The following COL18A1 variants were observed in gnomAD, a reference collection of about 807,000 sequenced individuals.
COL18A1 encodes the protein collagen type XVIII alpha 1 chain, also known as collagen alpha-1(XVIII) chain.
In COL18A1, 133 loss-of-function variants were observed where a neutral mutation model predicts 168.0. The ratio of observed to expected loss-of-function variants is 0.79; its 90% CI spans 0.69 to 0.91. The LOEUF is 0.91. Ranked by LOEUF, COL18A1 falls within the 40% of genes least tolerant of loss-of-function variation. COL18A1 has a pLI of 0.00. For synonymous variants in COL18A1, 949 were observed against 809.0 expected, an observed-to-expected ratio of 1.17 and a Z score of -2.94; for missense variants, 2,126 against 1,925.4, an observed-to-expected ratio of 1.10 and a Z score of -1.95.
Position 45,471,014 on chromosome 21 carries a change from C to CGTGCTACGGGCTT in COL18A1, c.651+2234_651+2246dup, listed in dbSNP as rs1328846966. ...GCTTCGTGCTGCTGGGCCTGGGTGG[C>CGTGCTACGGGCTT]GTGCTACGGGCTTGTGCTGCTGGGT... On this transcript the variant is annotated intron_variant, in intron 3 of 41. Coordinates refer to ENST00000651438, the MANE Select transcript of COL18A1 (RefSeq NM_001379500.1). The surrounding 1 kb of genome is among the most constrained non-coding windows in gnomAD (Gnocchi z 4.4). Among the ~76,000 whole-genome samples the CGTGCTACGGGCTT allele has an allele frequency of 7.4e-6, 1 of 134,802 alleles. No homozygotes were observed. Among genetic ancestry groups the CGTGCTACGGGCTT allele is most frequent in the African/African-American group, 3.2e-5 (1 of 31,060 alleles). 88.4% of individuals were successfully genotyped at this position (134,802 alleles called of 152,430 possible). A position where few individuals can be genotyped will look rare whatever the true frequency, so the allele number is the denominator to read the frequency against.
chr21:45,452,237 G>A (rs562953066), intron 2 of COL18A1, among the ~76,000 whole-genome samples: 6 of 152,278 alleles, frequency 3.9e-5, no homozygotes, highest in Non-Finnish European at 8.8e-5. Context: ...GCTGCTAGCA[G>A]GACTTGGGCA....
At chr21:45,469,151 C>G (rs545575387) in intron 3 of COL18A1, among the ~76,000 whole-genome samples, 1 of 152,328 alleles carries the variant, frequency 6.6e-6, no homozygotes, top group South Asian at 2.1e-4. Context: ...CAGCCGTGAC[C>G]CCGTGACCCA....
chr21:45,468,009 C>T (rs913132239), intron 2 of COL18A1, among the ~76,000 whole-genome samples: 4 of 152,210 alleles, frequency 2.6e-5, no homozygotes, highest in Admixed American at 6.5e-5. Flanking sequence ...GACACCATGT[C>T]CCCTGCACAC....
chr21:45,460,241 G>C (rs551547917), intron 2 of COL18A1, among the ~76,000 whole-genome samples: 1 of 152,232 alleles, frequency 6.6e-6, no homozygotes, highest in Non-Finnish European at 1.5e-5. Context: ...ATCCACCCTC[G>C]TGGTGCAGGC....
At chr21:45,467,268 G>A (rs929120684) in intron 2 of COL18A1, 28 of 985,462 alleles carry the variant, frequency 2.8e-5, no homozygotes, top group Non-Finnish European at 3.3e-5. Flanking sequence ...CTCCCTGGGC[G>A]AGGGATGGAC....
At chr21:45,474,987 C>T (rs1340959612) in intron 4 of COL18A1, among the ~76,000 whole-genome samples, 2 of 152,184 alleles carry the variant, frequency 1.3e-5, no homozygotes, top group East Asian at 1.9e-4. Flanking sequence ...GGCGCCGCAC[C>T]CCTCCCCTGG....
intron 2 of COL18A1, among the ~76,000 whole-genome samples, chr21:45,426,461 T>G (rs2033804277): frequency 6.6e-6 from 1 of 152,016 alleles, no homozygotes; most frequent in Non-Finnish European, 1.5e-5. Flanking sequence ...CTGCGCTTGC[T>G]CTCCCGGGCG....
At chr21:45,458,188 T>A (rs1277279281) in intron 2 of COL18A1, among the ~76,000 whole-genome samples, 1 of 147,462 alleles carries the variant, frequency 6.8e-6, no homozygotes, top group Non-Finnish European at 1.5e-5. Context: ...GGGCCTGGTG[T>A]GTGCAGGAGT....
chr21:45,455,483 A>G (rs2034761826), intron 2 of COL18A1: 1 of 1,606,654 alleles, frequency 6.2e-7, no homozygotes, highest in South Asian at 1.1e-5. Flanking sequence ...CCCCACCTCC[A>G]GGCACAGAGG....
chr21:45,455,994 C>T, intron 2 of COL18A1: 1 of 1,612,956 alleles, frequency 6.2e-7, no homozygotes, highest in Middle Eastern at 1.6e-4. Context: ...CTTGCCCTCG[C>T]TGGGCCTTCC....
intron 2 of COL18A1, among the ~76,000 whole-genome samples, chr21:45,416,664 C>T (rs1424615201): frequency 6.6e-6 from 1 of 152,182 alleles, no homozygotes; most frequent in Non-Finnish European, 1.5e-5. Context: ...AGCTTAGGCT[C>T]AGCAGGTGCT....
At position 45,498,077 on chromosome 21, in the gene COL18A1, T is replaced by G; in HGVS notation, c.2683+416T>G. On this transcript the variant is annotated intron_variant, in intron 32 of 41. Transcript: ENST00000651438. This position sits in a 1 kb window ranked among gnomAD's most constrained non-coding sequence, Gnocchi z 4.5. ...GAAGGAGGCGTTGCCCGACAGGCCGTCTGGAGGGTGAGCCCAGCACCCCTG... is the reference window on the plus strand; with the variant it reads ...GAAGGAGGCGTTGCCCGACAGGCCGGCTGGAGGGTGAGCCCAGCACCCCTG... The G allele has an allele frequency of 1.6e-6, 1 of 608,546 alleles. No individual in the cohort carries two copies. Among genetic ancestry groups the G allele is most frequent in the Non-Finnish European group, 2.9e-6 (1 of 342,970 alleles). 37.7% of individuals were successfully genotyped at this position (608,546 alleles called of 1,614,324 possible).
chr21:45,481,901 A>G (rs2035909060), intron 13 of COL18A1, 62 bp from the exon 14 acceptor site: 1 of 1,197,774 alleles, frequency 8.3e-7, no homozygotes, highest in African/African-American at 1.5e-5. Context: ...TAACCTGTTA[A>G]CCCAGAAATC....
intron 2 of COL18A1, among the ~76,000 whole-genome samples, chr21:45,438,229 GACAC>G (rs1254133744): frequency 2.5e-5 from 1 of 39,926 alleles, no homozygotes; most frequent in Non-Finnish European, 4.7e-5. Flanking sequence ...CACACACTCA[GACAC>G]ACAGGCACTC....
At chr21:45,505,791 C>T (rs1424623041) in intron 36 of COL18A1, 47 bp from the exon 37 acceptor site, 4 of 1,404,106 alleles carry the variant, frequency 2.8e-6, no homozygotes, top group African/African-American at 2.8e-5. Flanking sequence ...GCCCCTGCCC[C>T]CCGCCCTCCC....
intron 18 of COL18A1, among the ~76,000 whole-genome samples, chr21:45,488,763 A>G (rs2036200855): frequency 6.6e-6 from 1 of 152,082 alleles, no homozygotes; most frequent in Admixed American, 6.5e-5. Context: ...GGAAGAACTC[A>G]GGGTCCCCAC....
At chr21:45,495,606 ACG>A in intron 29 of COL18A1, 174 bp downstream of exon 29, 5 of 545,414 alleles carry the variant, frequency 9.2e-6, no homozygotes, top group South Asian at 1.8e-5. Flanking sequence ...ATGTCCACAC[ACG>A]CACACGTGTG....
chr21:45,471,401 A>C lies in COL18A1; in HGVS notation c.652-2494A>C, dbSNP rs994749803. Among the ~76,000 whole-genome samples the C allele has an allele frequency of 6.6e-6, 1 of 152,184 alleles. No individual in the cohort carries two copies. The highest frequency in any genetic ancestry group is 2.4e-5 in the African/African-American group (1 of 41,438). ...TGAGATACTTGGGAAAGAAACATTC[A>C]AGTTGTGTGACTCATAATTTTTGGC... On this transcript the variant is annotated intron_variant, in intron 3 of 41. Transcript: ENST00000651438. The surrounding 1 kb of genome is among the most constrained non-coding windows in gnomAD (Gnocchi z 4.4).
intron 2 of COL18A1, among the ~76,000 whole-genome samples, chr21:45,459,204 C>T (rs928675447): frequency 6.6e-6 from 1 of 152,192 alleles, no homozygotes; most frequent in Non-Finnish European, 1.5e-5. Context: ...TCAGCTCCTC[C>T]CCAGCCCAGG....
Sources: gnomAD v4.1 joint callset for allele counts (sites outside exome capture counted in the v4.1 genomes callset) on GRCh38, gnomAD v4.1.1 for gene constraint, Gnocchi (gnomAD v3.1) non-coding constraint, MANE v1.5 for transcripts, NCBI Gene and HGNC (gene_info 2026-07-23, HGNC 2026-07-21) for gene names.